SYNPO2: variants seen among roughly 807,000 people sequenced by gnomAD.
SYNPO2 encodes synaptopodin-2.
SYNPO2 carries 56 observed loss-of-function variants against 85.0 expected under a neutral mutation model. The observed-to-expected ratio is 0.66, with a 90% CI of 0.53 to 0.82. SYNPO2 has a LOEUF of 0.82. Ranked by LOEUF, SYNPO2 falls within the 40% of genes least tolerant of loss-of-function variation. The pLI, the probability that SYNPO2 is intolerant of heterozygous loss-of-function variation, is 0.00. For synonymous variants in SYNPO2, 602 were observed against 591.1 expected, an observed-to-expected ratio of 1.02 and a Z score of -0.27; for missense variants, 1,575 against 1,534.2, an observed-to-expected ratio of 1.03 and a Z score of -0.44.
chr4:119,022,713 T>A (rs1481358241), intron 1 of SYNPO2, among the ~76,000 whole-genome samples: 1 of 99,848 alleles, frequency 1.0e-5, no homozygotes. Context: ...TTTTATATTT[T>A]ATTTTATTTT....
chr4:119,027,191 T>C lies in SYNPO2; in HGVS notation c.822T>C (p.Ser274=), dbSNP rs761235083. The change falls in exon 3 of 5, where the codon AGT becomes AGC. Residue 274 remains serine (S), a synonymous_variant. Coordinates refer to ENST00000307142, the MANE Select transcript of SYNPO2 (RefSeq NM_133477.3). ...GAGAGTTGAGAGTGATCCAGGAAAG[T>C]GAAGCAGGAGATGCGGGACTGCCCC... is the stretch of plus-strand genomic sequence containing the variant. ...SGRELRVIQE[S]EAGDAGLPRV... is the part of the protein sequence containing the mutation. The C allele has an allele frequency of 3.1e-6, 5 of 1,614,010 alleles. No individual in the cohort carries two copies. The Admixed American group carries it at 6.7e-5, about 22-fold the overall frequency.
chr4:118,943,136 G>A (rs1028448519), intron 1 of SYNPO2, among the ~76,000 whole-genome samples: 2 of 151,686 alleles, frequency 1.3e-5, no homozygotes, highest in African/African-American at 4.8e-5. Flanking sequence ...TAGTGTTGAG[G>A]TTGAAAAAAA....
rs933743255 is a variant in SYNPO2 at position 119,060,412 on chromosome 4, T to C, written c.*2478T>C. On this transcript the variant is annotated 3_prime_UTR_variant, in exon 5 of 5. Transcript: ENST00000307142. ...TACTTTGCAGATATGAACCTGAAAA[T>C]CAAAGTGCCATTGTTAAATCATCCT... is the stretch of plus-strand genomic sequence containing the variant. The C allele has an allele frequency of 6.6e-6, 1 of 152,042 alleles. No homozygotes were observed. Among genetic ancestry groups the C allele is most frequent in the Admixed American group, 6.6e-5 (1 of 15,260 alleles). 9.4% of individuals were successfully genotyped at this position (152,042 alleles called of 1,614,324 possible).
chr4:118,926,001 T>G (rs1448384884), intron 1 of SYNPO2, among the ~76,000 whole-genome samples: 1 of 152,078 alleles, frequency 6.6e-6, no homozygotes, highest in Non-Finnish European at 1.5e-5. Context: ...GCCTCCAAAA[T>G]GTGCACAGTA....
intron 1 of SYNPO2, among the ~76,000 whole-genome samples, chr4:119,020,440 CA>C (rs1236235497): frequency 4.6e-5 from 7 of 152,164 alleles, no homozygotes; most frequent in Non-Finnish European, 1.0e-4. Context: ...TATCATGCAA[CA>C]CATGTTTGGA....
Position 118,988,851 on chromosome 4 carries a change from C to T in SYNPO2, c.106-34579C>T, listed in dbSNP as rs368046888. On this transcript the variant is annotated intron_variant, in intron 1 of 4. Transcript: ENST00000307142. ...TCCACAGGAAACATGCACCTTCCCC[C>T]ACCCCAAAGTCATCGAATCGCTTCA... 9.2e-5 allele frequency among the ~76,000 whole-genome samples: 14 copies of T among 152,250 alleles called. 1 individual carries two copies. The East Asian group carries it at 2.5e-3, about 27-fold the overall frequency.
chr4:118,898,992 T>G (rs1732636267), intron 1 of SYNPO2, among the ~76,000 whole-genome samples: 1 of 152,226 alleles, frequency 6.6e-6, no homozygotes, highest in African/African-American at 2.4e-5. Context: ...AAGTCAGTTC[T>G]CTGAGAGGTT....
At chr4:118,867,784 G>A (rs924944717) in intron 1 of SYNPO2, among the ~76,000 whole-genome samples, 1 of 151,960 alleles carries the variant, frequency 6.6e-6, no homozygotes, top group Non-Finnish European at 1.5e-5. Flanking sequence ...ACTATTCTTA[G>A]TAGAAAGCAT....
intron 1 of SYNPO2, among the ~76,000 whole-genome samples, chr4:118,908,023 C>G (rs1415774611): frequency 2.6e-5 from 4 of 152,164 alleles, no homozygotes; most frequent in African/African-American, 9.7e-5. Context: ...ATTGACTTAA[C>G]TAATTCCCTA....
At chr4:119,034,298 G>T in intron 4 of SYNPO2, 1 of 984,880 alleles carries the variant, frequency 1.0e-6, no homozygotes, top group Non-Finnish European at 1.2e-6. Flanking sequence ...CACACAGGTA[G>T]TCGGTTTGAG....
rs373297097 is a variant in SYNPO2, at chr4:119,059,847, AAGGTTAT to A, written c.*1915_*1921del. On this transcript the variant is annotated 3_prime_UTR_variant, in exon 5 of 5. Transcript: ENST00000307142. ...AGAAAAGAAACGATAAATACTTTCC[AAGGTTAT>A]ATTGTTAAATTATCTTAAATTATCA... 4.1e-3 allele frequency: 627 copies of A among 152,274 alleles called. 2 individuals are homozygous for A. Among genetic ancestry groups the A allele is most frequent in the African/African-American group, 0.014 (583 of 41,580 alleles). 9.4% of individuals were successfully genotyped at this position (152,274 alleles called of 1,614,324 possible).
intron 1 of SYNPO2, among the ~76,000 whole-genome samples, chr4:118,897,530 A>T (rs1578528383): frequency 6.6e-6 from 1 of 152,188 alleles, no homozygotes; most frequent in East Asian, 1.9e-4. Context: ...AATGAGTGTC[A>T]TTTAACCCCA....
At chr4:118,855,374 C>G (rs920801945) in intron 1 of SYNPO2, among the ~76,000 whole-genome samples, 1 of 151,970 alleles carries the variant, frequency 6.6e-6, no homozygotes, top group Non-Finnish European at 1.5e-5. Context: ...AATAATTACT[C>G]TCAATGGAGG....
chr4:118,872,352 T>C (rs1407410214), intron 1 of SYNPO2, among the ~76,000 whole-genome samples: 6 of 152,178 alleles, frequency 3.9e-5, no homozygotes, highest in Admixed American at 3.9e-4. Context: ...TCATAAGATG[T>C]TTGTGGCTAA....
At chr4:118,878,991 C>G (rs966985928) in intron 1 of SYNPO2, among the ~76,000 whole-genome samples, 1 of 152,204 alleles carries the variant, frequency 6.6e-6, no homozygotes, top group East Asian at 1.9e-4. Context: ...TGTGGCTTCA[C>G]TCCTGAAGTC....
intron 1 of SYNPO2, among the ~76,000 whole-genome samples, chr4:118,973,904 CAT>C (rs1735631450): frequency 6.6e-6 from 1 of 152,194 alleles, no homozygotes; most frequent in Non-Finnish European, 1.5e-5. Flanking sequence ...TCACTCAGAA[CAT>C]AGTTTAACAC....
At chr4:119,044,178 A>T (rs1369585811) in intron 4 of SYNPO2, among the ~76,000 whole-genome samples, 3 of 152,180 alleles carry the variant, frequency 2.0e-5, no homozygotes, top group African/African-American at 7.2e-5. Flanking sequence ...TAACTGGGAT[A>T]CTTCTGATAA....
At chr4:118,994,463 C>T (rs1250400612) in intron 1 of SYNPO2, among the ~76,000 whole-genome samples, 1 of 152,138 alleles carries the variant, frequency 6.6e-6, no homozygotes, top group Non-Finnish European at 1.5e-5. Context: ...AGACCTACCA[C>T]CTAAATGTAA....
At chr4:119,033,784 A>G (rs1399106636) in intron 4 of SYNPO2, 1 of 984,632 alleles carries the variant, frequency 1.0e-6, no homozygotes, top group Non-Finnish European at 1.2e-6. Flanking sequence ...AGCTATTCTG[A>G]TCTAAATAAT....
Sources: gnomAD v4.1 joint callset for allele counts (sites outside exome capture counted in the v4.1 genomes callset) on GRCh38, gnomAD v4.1.1 for gene constraint, MANE v1.5 for transcripts, NCBI Gene and HGNC (gene_info 2026-07-23, HGNC 2026-07-21) for gene names.